PSD3: variants seen among roughly 807,000 people sequenced by gnomAD.
PSD3 encodes pleckstrin and Sec7 domain containing 3.
PSD3 carries 49 observed loss-of-function variants against 105.5 expected under a neutral mutation model. The observed-to-expected ratio is 0.46, with a 90% confidence interval of 0.37 to 0.59. The LOEUF (loss-of-function observed/expected upper bound fraction) is 0.59. PSD3 is among the 20% of genes least tolerant of loss of function. PSD3 has a pLI of 0.00. For synonymous variants in PSD3, 557 were observed against 457.8 expected (o/e 1.22, Z -2.77); for missense variants, 1,561 against 1,263.8 (o/e 1.24, Z -3.57).
chr8:18,861,106 C>T (rs919628568), intron 4 of PSD3, among the ~76,000 whole-genome samples: 2 of 152,074 alleles, frequency 1.3e-5, no homozygotes, highest in African/African-American at 4.8e-5. Flanking sequence ...AAAAGAGGCA[C>T]CAAACAGACA....
intron 8 of PSD3, among the ~76,000 whole-genome samples, chr8:18,783,874 G>T (rs1279560825): frequency 6.6e-6 from 1 of 152,144 alleles, no homozygotes; most frequent in Non-Finnish European, 1.5e-5. Context: ...ACCTCAAAGT[G>T]ATTTGCCTGC....
intron 4 of PSD3, among the ~76,000 whole-genome samples, chr8:18,844,065 T>G (rs1468911731): frequency 6.6e-6 from 1 of 152,134 alleles, no homozygotes; most frequent in Non-Finnish European, 1.5e-5. Flanking sequence ...ACAAGACAGA[T>G]GTCCAGCAGC....
chr8:18,609,079 G>C (rs1805067783), intron 11 of PSD3, among the ~76,000 whole-genome samples: 1 of 151,974 alleles, frequency 6.6e-6, no homozygotes, highest in Non-Finnish European at 1.5e-5. Context: ...TATGAGCATT[G>C]CCTATTGTTT....
At chr8:18,991,190 A>G (rs1825771109) in intron 1 of PSD3, among the ~76,000 whole-genome samples, 1 of 152,072 alleles carries the variant, frequency 6.6e-6, no homozygotes. Context: ...TTGACCACAC[A>G]CTGGTTTAGA....
chr8:18,879,783 A>G (rs1232326444), intron 2 of PSD3, among the ~76,000 whole-genome samples: 2 of 152,010 alleles, frequency 1.3e-5, no homozygotes, highest in African/African-American at 4.8e-5. Flanking sequence ...TTTTTTGTAG[A>G]GACGGGGTTT....
At chr8:19,004,439 T>C (rs764984620) in intron 1 of PSD3, among the ~76,000 whole-genome samples, 1 of 152,132 alleles carries the variant, frequency 6.6e-6, no homozygotes, top group Non-Finnish European at 1.5e-5. Flanking sequence ...TCTGGTGCTC[T>C]GTTTAAGATA....
At chr8:18,761,116 T>A (rs1288987612) in intron 9 of PSD3, among the ~76,000 whole-genome samples, 1 of 152,110 alleles carries the variant, frequency 6.6e-6, no homozygotes, top group Non-Finnish European at 1.5e-5. Flanking sequence ...AAAACGCAAA[T>A]CAAACGTCAG....
At chr8:18,637,592 T>G (rs775674548) in intron 10 of PSD3, among the ~76,000 whole-genome samples, 1 of 152,220 alleles carries the variant, frequency 6.6e-6, no homozygotes, top group African/African-American at 2.4e-5. Flanking sequence ...TTCATCCATA[T>G]TGTAATGTGA....
intron 1 of PSD3, among the ~76,000 whole-genome samples, chr8:19,006,294 CAAAAAAAAAA>C: frequency 1.2e-5 from 1 of 80,838 alleles, no homozygotes; most frequent in South Asian, 5.4e-4. Flanking sequence ...AACTCCATCT[CAAAAAAAAAA>C]AAAAAAAAAG....
intron 14 of PSD3, among the ~76,000 whole-genome samples, chr8:18,563,685 T>C (rs1389994298): frequency 2.0e-5 from 3 of 152,200 alleles, no homozygotes; most frequent in African/African-American, 7.2e-5. Context: ...GTACTTAATA[T>C]ATATTAAATA....
intron 1 of PSD3, among the ~76,000 whole-genome samples, chr8:19,078,466 A>G (rs1052923214): frequency 6.6e-6 from 1 of 152,160 alleles, no homozygotes; most frequent in African/African-American, 2.4e-5. Context: ...ATACTTAAAC[A>G]AAGCAATCAC....
At chr8:18,806,900 A>C (rs1244089290) in intron 4 of PSD3, among the ~76,000 whole-genome samples, 1 of 152,244 alleles carries the variant, frequency 6.6e-6, no homozygotes, top group Non-Finnish European at 1.5e-5. Flanking sequence ...ATCAATAAAA[A>C]AGCAGTACTG....
chr8:19,024,666 G>A lies in PSD3; in HGVS notation c.324+59540C>T, dbSNP rs146556189. The stretch of plus-strand genomic sequence containing the variant: ...TTATCAGAAAGACGACATGATTAGA[G>A]GGGTAGAACTTTCAGCCACACAACC... On this transcript the variant is annotated intron_variant, in intron 1 of 1. Coordinates refer to the PSD3 transcript ENST00000521475. Among the ~76,000 whole-genome samples the A allele has an allele frequency of 9.2e-4, 140 of 152,204 alleles. 1 individual carries two copies. Among genetic ancestry groups the A allele is most frequent in the African/African-American group, 3.2e-3 (131 of 41,534 alleles).
At chr8:18,969,250 A>G (rs1043578350) in intron 1 of PSD3, among the ~76,000 whole-genome samples, 2 of 152,210 alleles carry the variant, frequency 1.3e-5, no homozygotes, top group African/African-American at 2.4e-5. Flanking sequence ...CATTCTCTTA[A>G]AAATCCCTCT....
chr8:18,909,142 C>A (rs1449326954), intron 2 of PSD3, among the ~76,000 whole-genome samples: 1 of 152,186 alleles, frequency 6.6e-6, no homozygotes, highest in African/African-American at 2.4e-5. Flanking sequence ...CTCTAAGTTG[C>A]TTTTTCCTAG....
intron 14 of PSD3, among the ~76,000 whole-genome samples, chr8:18,558,888 T>A (rs965766198): frequency 1.3e-5 from 2 of 152,222 alleles, no homozygotes; most frequent in African/African-American, 4.8e-5. Context: ...AAAAACTAAT[T>A]AAAGGCTTTC....
chr8:18,762,440 AGTATCAG>A (rs1271581230), intron 9 of PSD3, among the ~76,000 whole-genome samples: 1 of 152,218 alleles, frequency 6.6e-6, no homozygotes, highest in African/African-American at 2.4e-5. Context: ...TGAATTACTC[AGTATCAG>A]GTATTTGTTT....
chr8:18,607,140 G>C (rs111834753), intron 11 of PSD3, among the ~76,000 whole-genome samples: 2 of 152,070 alleles, frequency 1.3e-5, no homozygotes, highest in African/African-American at 4.8e-5. Context: ...TGAGATAAGA[G>C]GGAAATATAA....
chr8:18,872,455 C>G lies in PSD3; in HGVS notation c.409G>C (p.Ala137Pro). The stretch of plus-strand genomic sequence containing the variant: ...ATTCTGGCTTCTGTGGCTTTCAGAG[C>G]TGAAATCAAAGAGTCAATGGGCTGT... ...SLQPIDSLISALKATEARIIS... is the reference protein window; with the variant it reads ...SLQPIDSLISPLKATEARIIS... The change falls in exon 3 of 16, where the codon GCT (alanine) becomes CCT (proline). Residue 137 changes from alanine (A) to proline (P), a missense_variant. By Grantham distance (27) the Ala-to-Pro change is conservative (BLOSUM62 -1). Coordinates refer to ENST00000327040, the MANE Select transcript of PSD3 (RefSeq NM_015310.4). The G allele has an allele frequency of 6.2e-7, 1 of 1,614,142 alleles. No homozygotes were observed. Among genetic ancestry groups the G allele is most frequent in the Non-Finnish European group, 8.5e-7 (1 of 1,180,022 alleles).
Sources: gnomAD v4.1 joint callset for allele counts (sites outside exome capture counted in the v4.1 genomes callset) on GRCh38, gnomAD v4.1.1 for gene constraint, MANE v1.5 for transcripts, NCBI Gene and HGNC (gene_info 2026-07-23, HGNC 2026-07-21) for gene names.